The following JMY variants were observed in gnomAD, a reference collection of about 807,000 sequenced individuals.
JMY encodes the protein junction mediating and regulatory protein, p53 cofactor, also known as junction-mediating and -regulatory protein.
In JMY, 46 loss-of-function variants were observed where a neutral mutation model predicts 103.3. That is an observed-to-expected ratio of 0.45 (90% CI 0.35 to 0.57). JMY has a LOEUF of 0.57. Ranked by LOEUF, JMY falls within the 20% of genes least tolerant of loss-of-function variation. The pLI is 0.00. For missense variants in JMY, 1,238 were observed against 1,255.2 expected, an observed-to-expected ratio of 0.99 and a Z score of 0.21; for synonymous variants, 526 against 489.3, an observed-to-expected ratio of 1.07 and a Z score of -0.99.
chr5:79,288,438 A>G (rs910634602), intron 2 of JMY, among the ~76,000 whole-genome samples: 3 of 152,166 alleles, frequency 2.0e-5, no homozygotes, highest in Admixed American at 2.0e-4. Flanking sequence ...GTCCTCATCT[A>G]CACAAATGAT....
Position 79,316,232 on chromosome 5 carries a change from TAGA to T in JMY, c.2897_2899del (p.Arg966del). 1 of 1,614,042 alleles carries T rather than the reference TAGA, an allele frequency of 6.2e-7. No individual in the cohort carries two copies. Among genetic ancestry groups the T allele is most frequent in the Non-Finnish European group, 8.5e-7 (1 of 1,179,966 alleles). On this transcript the variant is annotated inframe_deletion, in exon 10 of 11. Transcript: ENST00000396137. Reference sequence around the variant, plus strand: ...TAACACGGAGCATCCATGAAGCTCTTAGAAGAATTAAAGAAGCATCCCCAGAGT... The same window carrying T: ...TAACACGGAGCATCCATGAAGCTCTTAGAATTAAAGAAGCATCCCCAGAGT...
intron 7 of JMY, among the ~76,000 whole-genome samples, chr5:79,310,098 C>T (rs920484870): frequency 1.8e-4 from 19 of 104,540 alleles, no homozygotes; most frequent in Admixed American, 1.7e-3. Flanking sequence ...TGGAGTCTTA[C>T]TCTACCCAGG....
chr5:79,287,545 C>T (rs1198187999), intron 2 of JMY, among the ~76,000 whole-genome samples: 1 of 152,124 alleles, frequency 6.6e-6, no homozygotes, highest in African/African-American at 2.4e-5. Flanking sequence ...TGCTGGGAGA[C>T]TGAGGCAGGA....
At chr5:79,311,708 T>C (rs1747053064) in intron 7 of JMY, among the ~76,000 whole-genome samples, 2 of 152,364 alleles carry the variant, frequency 1.3e-5, no homozygotes, top group East Asian at 3.9e-4. Context: ...AAAGTTTGTT[T>C]AGATAACTGC....
At chr5:79,278,884 C>G (rs990839825) in intron 2 of JMY, among the ~76,000 whole-genome samples, 4 of 151,862 alleles carry the variant, frequency 2.6e-5, no homozygotes, top group African/African-American at 4.8e-5. Flanking sequence ...CCACCTCGGC[C>G]TCCCGAAGTT....
Position 79,325,297 on chromosome 5 carries a change from C to T in JMY, c.*3695C>T, listed in dbSNP as rs1490129855. The T allele has an allele frequency of 6.6e-6, 1 of 152,014 alleles. No individual in the cohort carries two copies. Among genetic ancestry groups the T allele is most frequent in the Non-Finnish European group, 1.5e-5 (1 of 67,984 alleles). The allele number at this position is 152,014 out of a possible 1,614,324, so 9.4% of individuals were successfully genotyped here. On this transcript the variant is annotated 3_prime_UTR_variant, in exon 11 of 11. Coordinates refer to ENST00000396137, the MANE Select transcript of JMY (RefSeq NM_152405.5). ...ATCAGATACCAATGTGTAAAAAGTA[C>T]TATTGGGTCCTTAAGGGCTCTATCA...
intron 1 of JMY, among the ~76,000 whole-genome samples, chr5:79,254,193 G>A (rs537350090): frequency 6.6e-5 from 10 of 151,166 alleles, no homozygotes; most frequent in Admixed American, 2.6e-4. Context: ...GACCTCGTTC[G>A]TGATCTGCCC....
chr5:79,321,382 A>G (rs908186716), intron 10 of JMY, among the ~76,000 whole-genome samples: 26 of 152,212 alleles, frequency 1.7e-4, no homozygotes, highest in African/African-American at 6.3e-4. Flanking sequence ...TATAGTTTTC[A>G]TACAGTGTTA....
intron 7 of JMY, among the ~76,000 whole-genome samples, chr5:79,307,422 G>A (rs938037713): frequency 3.9e-5 from 6 of 152,176 alleles, no homozygotes; most frequent in South Asian, 2.1e-4. Flanking sequence ...CTGTTGTTAC[G>A]TTTTTGAATT....
chr5:79,282,217 A>C (rs1388099913), intron 2 of JMY, among the ~76,000 whole-genome samples: 6 of 152,170 alleles, frequency 3.9e-5, no homozygotes, highest in Admixed American at 3.3e-4. Context: ...AAAAAATAAA[A>C]AAAAAATAAG....
chr5:79,251,928 C>A (rs1289774143), intron 1 of JMY, among the ~76,000 whole-genome samples: 2 of 152,118 alleles, frequency 1.3e-5, no homozygotes, highest in Non-Finnish European at 2.9e-5. Flanking sequence ...GCATGTGCCA[C>A]CACGCCCGGC....
Position 79,284,195 on chromosome 5 carries a change from G to A in JMY, c.1207-5926G>A, listed in dbSNP as rs58065518. The stretch of plus-strand genomic sequence containing the variant: ...CTCGTTCAACTTTAGCACCTCTCTC[G>A]TCCCCAGTGGCTTTTCCAGAACTAC... On this transcript the variant is annotated intron_variant, in intron 2 of 10. Transcript: ENST00000396137. 7.4e-3 allele frequency: 11,470 copies of A among 1,554,556 alleles called. 609 individuals carry two copies. In the African/African-American group the frequency reaches 0.13, roughly 17 times the overall value.
At chr5:79,257,788 G>T (rs1745292773) in intron 1 of JMY, among the ~76,000 whole-genome samples, 1 of 151,824 alleles carries the variant, frequency 6.6e-6, no homozygotes, top group South Asian at 2.1e-4. Flanking sequence ...TGGAGACGGA[G>T]TCTTACTCTT....
chr5:79,300,770 A>G lies in JMY; in HGVS notation c.1788A>G (p.Arg596=). 6.2e-7 allele frequency: 1 copy of G among 1,612,806 alleles called. No individual in the cohort carries two copies. The highest frequency in any genetic ancestry group is 2.2e-5 in the East Asian group (1 of 44,788). ...EEMAASAYLQ[R]EELQKLQQKA... Reference sequence around the variant, plus strand: ...TGGCAGCATCTGCGTACTTACAGAGAGAAGAGCTGCAGAAACTTCAGCAGA... The same window carrying G: ...TGGCAGCATCTGCGTACTTACAGAGGGAAGAGCTGCAGAAACTTCAGCAGA... Residue 596 remains arginine (R), a synonymous_variant, in exon 6 of 11, where the codon AGA becomes AGG. Transcript: ENST00000396137.
At chr5:79,239,454 T>C (rs1744664699) in intron 1 of JMY, among the ~76,000 whole-genome samples, 1 of 152,202 alleles carries the variant, frequency 6.6e-6, no homozygotes, top group African/African-American at 2.4e-5. Flanking sequence ...AAATACATAT[T>C]CTTAAAAATC....
intron 1 of JMY, among the ~76,000 whole-genome samples, chr5:79,243,669 A>C (rs1048563826): frequency 2.0e-5 from 3 of 152,238 alleles, no homozygotes; most frequent in African/African-American, 7.2e-5. Context: ...AAATACAGTT[A>C]AAGAATAATG....
intron 1 of JMY, among the ~76,000 whole-genome samples, chr5:79,260,695 A>T (rs1284092339): frequency 3.4e-5 from 5 of 147,644 alleles, no homozygotes; most frequent in Admixed American, 6.8e-5. Flanking sequence ...CTGGCCCCAG[A>T]TTTTTTTTTT....
chr5:79,312,226 T>C (rs1747069028), intron 7 of JMY, among the ~76,000 whole-genome samples, 177 bp from the exon 8 acceptor site: 1 of 152,224 alleles, frequency 6.6e-6, no homozygotes, highest in Non-Finnish European at 1.5e-5. Context: ...TGTTTCATGC[T>C]TTCATATTTC....
At chr5:79,314,898 A>G (rs1384919201) in intron 9 of JMY, 47 bp downstream of exon 9, 3 of 1,478,936 alleles carry the variant, frequency 2.0e-6, no homozygotes, top group African/African-American at 1.4e-5. Flanking sequence ...GACATCAGGC[A>G]TAGTAAAAAA....
Sources: allele counts gnomAD v4.1 joint callset (sites outside exome capture counted in the v4.1 genomes callset), GRCh38; gene constraint gnomAD v4.1.1; transcripts MANE v1.5; gene names NCBI Gene and HGNC (gene_info 2026-07-23, HGNC 2026-07-21).